MUC12: variants seen among roughly 807,000 people sequenced by gnomAD.
MUC12 encodes the protein mucin 12, cell surface associated.
In MUC12, 172 loss-of-function variants were observed where a neutral mutation model predicts 230.8. The observed-to-expected ratio is 0.75, with a 90% confidence interval of 0.66 to 0.85. The LOEUF (loss-of-function observed/expected upper bound fraction) is 0.85. Ranked by LOEUF, MUC12 falls within the 40% of genes least tolerant of loss-of-function variation. The pLI is 0.00. For missense variants in MUC12, 3,506 were observed against 5,920.6 expected (o/e 0.59, Z 13.38); for synonymous variants, 1,259 against 2,401.9 (o/e 0.52, Z 13.91).
rs1018499714 is a variant in MUC12, at chr7:101,006,561, C to T, written c.15047C>T (p.Ser5016Phe). Reference protein sequence around the residue: ...VGYQCLSPLESFPVETPEKLN... With the variant: ...VGYQCLSPLEFFPVETPEKLN... ...TACCAGTGCTTGTCCCCTCTGGAAT[C>T]CTTCCCTGTAGGTAATGACCTTTTC... Residue 5016 changes from serine to phenylalanine, a missense_variant, in exon 3 of 12, where the codon TCC becomes TTC. Ser to Phe is a radical substitution (Grantham distance 155, BLOSUM62 -2). Transcript: ENST00000536621. 1.3e-6 allele frequency: 2 copies of T among 1,536,338 alleles called. No homozygotes were observed. The highest frequency in any genetic ancestry group is 2.7e-5 in the African/African-American group (2 of 73,024).
At position 101,003,558 on chromosome 7, in the gene MUC12, G is replaced by A. The variant is rs1380294623; in HGVS notation, c.12995G>A (p.Trp4332Ter). The change falls in exon 2 of 12, where the codon TGG becomes TAG. Residue 4332 changes from tryptophan (W) to a stop codon, truncating the protein, a stop_gained. Transcript: ENST00000536621. LOFTEE classifies it high-confidence loss of function. ...RQGESTTFQS[W>*]PNSKDTTPAP... is the part of the protein sequence containing the mutation. Reference sequence around the variant, plus strand: ...GGAGAATCTACCACCTTCCAGAGCTGGCCAAACTCGAAGGACACTACCCCT... The same window carrying A: ...GGAGAATCTACCACCTTCCAGAGCTAGCCAAACTCGAAGGACACTACCCCT... 3 of 1,530,224 alleles carry A rather than the reference G, an allele frequency of 2.0e-6. No individual in the cohort carries two copies. In the East Asian group the frequency reaches 7.3e-5, roughly 37 times the overall value. The allele number at this position is 1,530,224 out of a possible 1,614,324, so 94.8% of individuals were successfully genotyped here.
At chr7:100,974,379 A>T (rs1301181246) in intron 1 of MUC12, among the ~76,000 whole-genome samples, 1 of 124,902 alleles carries the variant, frequency 8.0e-6, no homozygotes, top group Non-Finnish European at 1.7e-5. Context: ...ACACATCCCC[A>T]CCACCCCTTT....
chr7:101,016,540 C>T (rs182224456), intron 10 of MUC12, among the ~76,000 whole-genome samples: 2 of 152,174 alleles, frequency 1.3e-5, no homozygotes, highest in African/African-American at 4.8e-5. Flanking sequence ...GTCTCGAACT[C>T]CAGACCTTAG....
At position 100,991,733 on chromosome 7, in the gene MUC12, C is replaced by T. The variant is rs542320663; in HGVS notation, c.1170C>T (p.His390=). The change falls in exon 2 of 12, where the codon CAC becomes CAT. Residue 390 remains histidine (H), a synonymous_variant. Transcript: ENST00000536621. ...SGHSEESATF[H]GSTTHTKSST... ...ATAGTGAAGAATCAGCAACTTTCCA[C>T]GGCAGCACAACACACACAAAATCTT... 128 of 1,537,894 alleles carry T rather than the reference C, an allele frequency of 8.3e-5. No individual in the cohort carries two copies. The African/African-American group carries it at 9.6e-4, about 11-fold the overall frequency.
rs1283055121 is a variant in MUC12 at position 100,993,824 on chromosome 7, G to A, written c.3261G>A (p.Thr1087=). 24 of 1,469,640 alleles carry A rather than the reference G, an allele frequency of 1.6e-5. 1 individual carries two copies. The highest frequency in any genetic ancestry group is 8.5e-5 in the Admixed American group (4 of 47,148). The allele number at this position is 1,469,640 out of a possible 1,614,324, so 91.0% of individuals were successfully genotyped here. Residue 1087 remains threonine, a synonymous_variant, in exon 2 of 12, where the codon ACG becomes ACA. Coordinates refer to ENST00000536621, the MANE Select transcript of MUC12 (RefSeq NM_001164462.2). ...RISPGSTEIT[T]LPGSTTTPGL... is the part of the protein sequence containing the mutation. ...GTCCAGGCTCAACTGAAATAACAAC[G>A]TTACCTGGCAGTACCACAACACCAG...
At chr7:100,969,827 T>C in intron 1 of MUC12, 138 bp downstream of exon 1, 7 of 1,241,194 alleles carry the variant, frequency 5.6e-6, no homozygotes, top group Non-Finnish European at 6.7e-6. Flanking sequence ...TGGAGACCCG[T>C]GCTGTGACCT....
At chr7:100,975,629 C>T (rs1236761343) in intron 1 of MUC12, among the ~76,000 whole-genome samples, 5 of 65,858 alleles carry the variant, frequency 7.6e-5, no homozygotes, top group African/African-American at 2.6e-4. Flanking sequence ...AGAAAGGCCA[C>T]AGCCCAATCT....
chr7:100,984,120 AC>A (rs1234470482), intron 1 of MUC12, among the ~76,000 whole-genome samples: 1 of 152,160 alleles, frequency 6.6e-6, no homozygotes, highest in Non-Finnish European at 1.5e-5. Context: ...GGTGTCCCAA[AC>A]AAAGAATTGG....
intron 3 of MUC12, among the ~76,000 whole-genome samples, chr7:101,007,461 T>G (rs1793772441): frequency 6.6e-6 from 1 of 152,180 alleles, no homozygotes; most frequent in South Asian, 2.1e-4. Flanking sequence ...TTAGTTCAAT[T>G]ATTTGGACTT....
In MUC12 at chr7:101,005,369, T is replaced by G. The variant is rs1276985054; in HGVS notation, c.14806T>G (p.Phe4936Val). Reference sequence around the variant, plus strand: ...AGACCTTGTTGGAGAACCTACAACTTTCTACATCAGCCCATCCCCTACTTA... The same window carrying G: ...AGACCTTGTTGGAGAACCTACAACTGTCTACATCAGCCCATCCCCTACTTA... ...ASDLVGEPTTFYISPSPTYTT... is the reference protein window; with the variant it reads ...ASDLVGEPTTVYISPSPTYTT... The change falls in exon 2 of 12, where the codon TTC becomes GTC. Residue 4936 changes from phenylalanine (F) to valine (V), a missense_variant. Transcript: ENST00000536621. The G allele has an allele frequency of 1.3e-6, 2 of 1,537,810 alleles. No individual in the cohort carries two copies. Among genetic ancestry groups the G allele is most frequent in the Non-Finnish European group, 1.7e-6 (2 of 1,147,048 alleles).
intron 1 of MUC12, among the ~76,000 whole-genome samples, chr7:100,971,161 AC>A (rs1193747622): frequency 1.9e-5 from 1 of 51,710 alleles, no homozygotes; most frequent in Non-Finnish European, 4.5e-5. Flanking sequence ...TCAAAAAAAA[AC>A]AAACAAAAAA....
In MUC12 at chr7:100,991,779, G is replaced by A. The variant is rs759917649; in HGVS notation, c.1216G>A (p.Ala406Thr). The change falls in exon 2 of 12, where the codon GCC becomes ACC. Residue 406 changes from alanine to threonine, a missense_variant. Physicochemically the swap from Ala to Thr is moderately conservative, Grantham distance 58 (BLOSUM62 0). Coordinates refer to ENST00000536621, the MANE Select transcript of MUC12 (RefSeq NM_001164462.2). ...TKSSTPSTTA[A>T]LAHTSYHSSL... ...ATCTTCAACTCCTAGCACCACAGCTGCCCTAGCACATACAAGCTACCACAG... is the reference window on the plus strand; with the variant it reads ...ATCTTCAACTCCTAGCACCACAGCTACCCTAGCACATACAAGCTACCACAG... The A allele has an allele frequency of 2.2e-5, 34 of 1,537,848 alleles. No homozygotes were observed. Among genetic ancestry groups the A allele is most frequent in the Non-Finnish European group, 2.7e-5 (31 of 1,147,080 alleles).
intron 1 of MUC12, chr7:100,972,074 G>C (rs1792913634): frequency 2.8e-6 from 2 of 702,806 alleles, no homozygotes; most frequent in African/African-American, 1.7e-5. Context: ...GAGGGCTCCG[G>C]AAGATCTGAT....
In MUC12 at chr7:101,004,725, T is replaced by A. The variant is rs1234011373; in HGVS notation, c.14162T>A (p.Met4721Lys). 4 of 1,536,628 alleles carry A rather than the reference T, an allele frequency of 2.6e-6. No individual in the cohort carries two copies. The East Asian group carries it at 9.8e-5, about 38-fold the overall frequency. Residue 4721 changes from methionine (M) to lysine (K), a missense_variant, in exon 2 of 12, where the codon ATG becomes AAG. By Grantham distance (95) the Met-to-Lys change is moderately conservative. Coordinates refer to ENST00000536621, the MANE Select transcript of MUC12 (RefSeq NM_001164462.2). Reference sequence around the variant, plus strand: ...ACCTTCTATATCTCTCCAGGCTCAATGGAAACAACATTAGCCAGCACTGCC... The same window carrying A: ...ACCTTCTATATCTCTCCAGGCTCAAAGGAAACAACATTAGCCAGCACTGCC... ...STTFYISPGS[M>K]ETTLASTATT...
At chr7:100,987,073 T>G (rs1262860977) in intron 1 of MUC12, among the ~76,000 whole-genome samples, 4 of 143,920 alleles carry the variant, frequency 2.8e-5, no homozygotes, top group South Asian at 2.4e-4. Context: ...TTTTTTTTTT[T>G]TTTTTTTTTT....
rs1363288027 is a variant in MUC12 at position 100,991,009 on chromosome 7, G to T, written c.446G>T (p.Arg149Ile). The T allele has an allele frequency of 1.3e-6, 2 of 1,537,716 alleles. No individual in the cohort carries two copies. Among genetic ancestry groups the T allele is most frequent in the Non-Finnish European group, 1.7e-6 (2 of 1,147,002 alleles). Residue 149 changes from arginine (R) to isoleucine (I), a missense_variant, in exon 2 of 12, where the codon AGA becomes ATA. Arg to Ile is a moderately conservative substitution (Grantham distance 97). Coordinates refer to ENST00000536621, the MANE Select transcript of MUC12 (RefSeq NM_001164462.2). The part of the protein sequence containing the change: ...TFYSSPRSPD[R>I]TLSPARTTSS... ...TACAGTAGCCCCAGATCACCAGACAGAACACTCTCACCTGCCCGCACGACA... is the reference window on the plus strand; with the variant it reads ...TACAGTAGCCCCAGATCACCAGACATAACACTCTCACCTGCCCGCACGACA...
rs560596810 is a variant in MUC12, at chr7:101,005,645, T to C, written c.14956+126T>C. ...TTCCACTTTACTTGGGTCTACCGAT[T>C]ATCCAGTTTCTGGGTTCGATACCAC... On this transcript the variant is annotated intron_variant, in intron 2 of 11. Coordinates refer to ENST00000536621, the MANE Select transcript of MUC12 (RefSeq NM_001164462.2). 10 of 1,237,020 alleles carry C rather than the reference T, an allele frequency of 8.1e-6. No individual in the cohort carries two copies. The East Asian group carries it at 1.8e-4, about 22-fold the overall frequency. 76.6% of individuals were successfully genotyped at this position (1,237,020 alleles called of 1,614,324 possible). A position where few individuals can be genotyped will look rare whatever the true frequency, so the allele number is the denominator to read the frequency against.
chr7:101,007,841 A>T (rs1793778657), intron 3 of MUC12, among the ~76,000 whole-genome samples: 1 of 152,130 alleles, frequency 6.6e-6, no homozygotes, highest in African/African-American at 2.4e-5. Flanking sequence ...TCTGTTGCCC[A>T]GGCTGGAGTG....
chr7:100,986,781 C>T (rs1793197603), intron 1 of MUC12, among the ~76,000 whole-genome samples: 1 of 152,152 alleles, frequency 6.6e-6, no homozygotes, highest in Admixed American at 6.5e-5. Flanking sequence ...CCTGGCATCT[C>T]GGAGATTGAC....
Sources: allele counts gnomAD v4.1 joint callset (sites outside exome capture counted in the v4.1 genomes callset), GRCh38; gene constraint gnomAD v4.1.1; transcripts MANE v1.5; gene names NCBI Gene and HGNC (gene_info 2026-07-23, HGNC 2026-07-21).